The following KCND3 variants were observed in gnomAD, a reference collection of about 807,000 sequenced individuals.
The protein encoded by KCND3 is potassium voltage-gated channel subfamily D member 3.
Under a neutral mutation model 51.1 loss-of-function variants are expected in KCND3, and 9 were observed. That is an observed-to-expected ratio of 0.18 (90% CI 0.11 to 0.31). The LOEUF is 0.31. Among genes scored for constraint, KCND3 ranks in the 10% least tolerant of loss-of-function variants. The probability of loss-of-function intolerance (pLI) is 1.00; values close to 1 mark genes in which losing one functional copy is unlikely to be tolerated. For synonymous variants in KCND3, 349 were observed against 368.0 expected (o/e 0.95, Z 0.59); for missense variants, 526 against 903.8 (o/e 0.58, Z 5.36).
At chr1:111,963,016 T>C (rs72977027) in intron 2 of KCND3, among the ~76,000 whole-genome samples, 1,913 of 152,222 alleles carry the variant, frequency 0.013, 57 homozygotes, top group African/African-American at 0.044. Context: ...AACAGCCATG[T>C]CACCTCTCTT....
At chr1:111,934,071 G>A (rs2101868320) in intron 2 of KCND3, among the ~76,000 whole-genome samples, 1 of 152,292 alleles carries the variant, frequency 6.6e-6, no homozygotes, top group South Asian at 2.1e-4. Flanking sequence ...GGAAGGTGGT[G>A]CGGGGGCTCA....
chr1:111,915,769 A>C (rs547445835), intron 2 of KCND3, among the ~76,000 whole-genome samples: 21 of 151,488 alleles, frequency 1.4e-4, no homozygotes, highest in Admixed American at 1.2e-3. Flanking sequence ...AAAAAAACAA[A>C]AAAAAAAACT....
intron 2 of KCND3, among the ~76,000 whole-genome samples, chr1:111,912,851 T>C (rs1158990598): frequency 1.3e-5 from 2 of 152,222 alleles, no homozygotes; most frequent in Non-Finnish European, 2.9e-5. Flanking sequence ...AAGCTATTAC[T>C]GGAAGAGTCA....
At chr1:111,890,855 C>A (rs1669789996) in intron 2 of KCND3, among the ~76,000 whole-genome samples, 1 of 152,214 alleles carries the variant, frequency 6.6e-6, no homozygotes, top group Admixed American at 6.5e-5. Context: ...TCAACCATCT[C>A]TTACCTGAGA....
intron 2 of KCND3, among the ~76,000 whole-genome samples, chr1:111,937,210 G>A (rs1390684764): frequency 6.6e-6 from 1 of 152,214 alleles, no homozygotes; most frequent in Middle Eastern, 3.4e-3. Flanking sequence ...GGGGAGGGTA[G>A]GAGAGGGAAA....
At position 111,780,353 on chromosome 1, in the gene KCND3, G is replaced by A; in HGVS notation, c.1372-39C>T. 1 of 1,521,454 alleles carries A rather than the reference G, an allele frequency of 6.6e-7. No individual in the cohort carries two copies. Among genetic ancestry groups the A allele is most frequent in the South Asian group, 1.2e-5 (1 of 83,482 alleles). The allele number at this position is 1,521,454 out of a possible 1,614,324, so 94.2% of individuals were successfully genotyped here. ...AAGAGAGATTGAGTAAAAAGCTGGT[G>A]GCTCTTCCCCTCTCCAGCTCCTTCA... is the stretch of plus-strand genomic sequence containing the variant. On this transcript the variant is annotated intron_variant, in intron 4 of 7. Transcript: ENST00000302127. This position sits in a 1 kb window ranked among gnomAD's most constrained non-coding sequence, Gnocchi z 4.2.
chr1:111,959,672 A>G (rs1557747578), intron 2 of KCND3, among the ~76,000 whole-genome samples: 2 of 152,210 alleles, frequency 1.3e-5, no homozygotes, highest in Non-Finnish European at 2.9e-5. Flanking sequence ...GCTGTGGGCA[A>G]TGACCAGAAG....
intron 2 of KCND3, among the ~76,000 whole-genome samples, chr1:111,818,950 TGAGGA>T (rs747394785): frequency 3.9e-5 from 6 of 152,214 alleles, no homozygotes; most frequent in Non-Finnish European, 5.9e-5. Flanking sequence ...CTCTCATCCC[TGAGGA>T]GAGAAGTAGC....
In KCND3 at chr1:111,780,702, C is replaced by T. The variant is rs762936059; in HGVS notation, c.1359G>A (p.Ala453=). The T allele has an allele frequency of 3.2e-5, 51 of 1,609,894 alleles. No homozygotes were observed. Among genetic ancestry groups the T allele is most frequent in the Middle Eastern group, 3.3e-4 (2 of 6,076 alleles). Residue 453 remains alanine (A), a synonymous_variant, in exon 4 of 8, where the codon GCG becomes GCA. Coordinates refer to ENST00000302127, the MANE Select transcript of KCND3 (RefSeq NM_001378969.1). The surrounding 1 kb of genome is among the most constrained non-coding windows in gnomAD (Gnocchi z 4.2). ...TCTAGGCACCTACCGTCAGCTCCAG[C>T]GCCTCGTTGAGGAGCCCGTTGCGCT... The part of the protein sequence containing the change: ...HSKRNGLLNE[A]LELTGTPEEE...
chr1:111,805,897 T>C (rs923228569), intron 2 of KCND3, among the ~76,000 whole-genome samples: 1 of 152,174 alleles, frequency 6.6e-6, no homozygotes, highest in African/African-American at 2.4e-5. Context: ...GAGCAGCTGC[T>C]GGGTTACTTT....
chr1:111,895,886 A>G (rs982564166), intron 2 of KCND3, among the ~76,000 whole-genome samples: 2 of 152,234 alleles, frequency 1.3e-5, no homozygotes, highest in Admixed American at 1.3e-4. Flanking sequence ...CTGGGGCCAC[A>G]TCAAGTGTGG....
chr1:111,910,760 C>T (rs559893378), intron 2 of KCND3: 2 of 152,290 alleles, frequency 1.3e-5, no homozygotes, highest in South Asian at 4.2e-4. Flanking sequence ...TAGAGGTCTC[C>T]TAACAAGAAC....
Position 111,906,766 on chromosome 1 carries a change from C to T in KCND3, c.1106+74855G>A, listed in dbSNP as rs1670666459. ...ATTCCAGATCTCTCTGTGCACAAAG[C>T]GTCCACTCCTTAATCCAGTCTGACC... On this transcript the variant is annotated intron_variant, in intron 2 of 7. Coordinates refer to ENST00000302127, the MANE Select transcript of KCND3 (RefSeq NM_001378969.1). 2.0e-5 allele frequency among the ~76,000 whole-genome samples: 3 copies of T among 152,074 alleles called. 1 individual carries two copies. The highest frequency in any genetic ancestry group is 4.4e-5 in the Non-Finnish European group (3 of 68,026).
At chr1:111,862,629 C>G (rs1247936461) in intron 2 of KCND3, among the ~76,000 whole-genome samples, 1 of 152,188 alleles carries the variant, frequency 6.6e-6, no homozygotes, top group Non-Finnish European at 1.5e-5. Context: ...AGTATAGGCT[C>G]TGATGCAATA....
chr1:111,837,202 T>C (rs1667104232), intron 2 of KCND3, among the ~76,000 whole-genome samples: 1 of 152,286 alleles, frequency 6.6e-6, no homozygotes, highest in African/African-American at 2.4e-5. Context: ...TGACCAAGAC[T>C]GTCACTCCCC....
intron 3 of KCND3, among the ~76,000 whole-genome samples, chr1:111,784,697 T>A (rs866178113): frequency 5.9e-5 from 9 of 152,302 alleles, no homozygotes; most frequent in South Asian, 2.1e-4. Context: ...CAGCATTTTT[T>A]TTCCCTCTTA....
intron 2 of KCND3, among the ~76,000 whole-genome samples, chr1:111,814,769 G>A (rs1388691171): frequency 6.6e-6 from 1 of 152,184 alleles, no homozygotes; most frequent in Non-Finnish European, 1.5e-5. Flanking sequence ...TTGTGCAGGG[G>A]ACACAGGCCC....
At chr1:111,983,572 G>A (rs115297580) in intron 1 of KCND3, among the ~76,000 whole-genome samples, 2,682 of 152,204 alleles carry the variant, frequency 0.018, 81 homozygotes, top group African/African-American at 0.062. Flanking sequence ...TGTGAAGGGC[G>A]TCTTGGCTTC....
intron 2 of KCND3, chr1:111,910,095 C>T (rs1028695376): frequency 1.3e-5 from 2 of 152,202 alleles, no homozygotes; most frequent in South Asian, 2.1e-4. Context: ...CCCAAACTCT[C>T]TCTCTCTCTT....
Sources: gnomAD v4.1 joint callset for allele counts (sites outside exome capture counted in the v4.1 genomes callset) on GRCh38, gnomAD v4.1.1 for gene constraint, Gnocchi (gnomAD v3.1) non-coding constraint, MANE v1.5 for transcripts, NCBI Gene and HGNC (gene_info 2026-07-23, HGNC 2026-07-21) for gene names.